CCDC73: variants seen among roughly 807,000 people sequenced by gnomAD.
The protein encoded by CCDC73 is coiled-coil domain containing 73.
Under a neutral mutation model 116.5 loss-of-function variants are expected in CCDC73, and 95 were observed. The ratio of observed to expected loss-of-function variants is 0.82; its 90% confidence interval spans 0.69 to 0.97. The LOEUF (loss-of-function observed/expected upper bound fraction) is 0.97. Ranked by LOEUF, CCDC73 falls within the 50% of genes least tolerant of loss-of-function variation. The probability of loss-of-function intolerance (pLI) is 0.00; values close to 1 mark genes in which losing one functional copy is unlikely to be tolerated. For synonymous variants in CCDC73, 398 were observed against 401.3 expected (o/e 0.99, Z 0.10); for missense variants, 1,066 against 1,206.8 (o/e 0.88, Z 1.73).
chr11:32,809,382 A>G, the CCDC73 span, among the ~76,000 whole-genome samples: 1 of 152,202 alleles, frequency 6.6e-6, no homozygotes. Flanking sequence ...AACCTAGACA[A>G]TAATAGAGGA....
At position 32,641,882 on chromosome 11, in the gene CCDC73, T is replaced by C. The variant is rs533780930; in HGVS notation, c.1050+90A>G. 2,800 of 1,017,960 alleles carry C rather than the reference T, an allele frequency of 2.8e-3. 7 individuals carry two copies. Among genetic ancestry groups the C allele is most frequent in the Admixed American group, 3.7e-3 (88 of 23,994 alleles). 63.1% of individuals were successfully genotyped at this position (1,017,960 alleles called of 1,614,324 possible). On this transcript the variant is annotated intron_variant, in intron 13 of 17. Transcript: ENST00000335185. ...TGTGTCTGATTTTAGTCCTCTAATA[T>C]TTTTGCAATATTTTCTTAGCATTTA... is the stretch of plus-strand genomic sequence containing the variant.
chr11:32,661,590 G>A (rs1855927420), intron 9 of CCDC73, among the ~76,000 whole-genome samples: 1 of 151,866 alleles, frequency 6.6e-6, no homozygotes, highest in Non-Finnish European at 1.5e-5. Context: ...GAGAACGATG[G>A]TTTCCAGCTT....
intron 2 of CCDC73, among the ~76,000 whole-genome samples, chr11:32,736,811 C>T (rs543773906): frequency 6.6e-6 from 1 of 151,914 alleles, no homozygotes; most frequent in Admixed American, 6.6e-5. Context: ...CACATATACA[C>T]CATGGAATAC....
At chr11:32,769,966 C>T (rs773486198) in intron 1 of CCDC73, among the ~76,000 whole-genome samples, 1 of 152,214 alleles carries the variant, frequency 6.6e-6, no homozygotes, top group Non-Finnish European at 1.5e-5. Flanking sequence ...GGTATCCTTT[C>T]ACTTCCAGCA....
chr11:32,619,800 A>C (rs1209919091), intron 14 of CCDC73, among the ~76,000 whole-genome samples: 3 of 148,772 alleles, frequency 2.0e-5, no homozygotes, highest in Non-Finnish European at 4.5e-5. Context: ...AGCAGGAGGA[A>C]AAGGAGGAGG....
intron 17 of CCDC73, chr11:32,605,071 C>G (rs1565053590): frequency 6.6e-6 from 1 of 151,252 alleles, no homozygotes; most frequent in Non-Finnish European, 1.5e-5. Flanking sequence ...CCAGGCTGGT[C>G]TCGAACGCCT....
At chr11:32,712,116 T>TC (rs1242363064) in intron 3 of CCDC73, among the ~76,000 whole-genome samples, 2 of 152,108 alleles carry the variant, frequency 1.3e-5, no homozygotes, top group African/African-American at 4.8e-5. Flanking sequence ...TATTACTTTC[T>TC]CCCCCACACA....
At chr11:32,626,071 C>T (rs1855570714) in intron 14 of CCDC73, among the ~76,000 whole-genome samples, 1 of 150,024 alleles carries the variant, frequency 6.7e-6, no homozygotes, top group Non-Finnish European at 1.5e-5. Flanking sequence ...GATTGTATGT[C>T]TAGAAAACCC....
intron 2 of CCDC73, among the ~76,000 whole-genome samples, chr11:32,725,948 G>A (rs1344650985): frequency 6.6e-6 from 1 of 152,044 alleles, no homozygotes; most frequent in Non-Finnish European, 1.5e-5. Flanking sequence ...AATTTTAGTT[G>A]GAACCCCAAA....
At chr11:32,822,380 A>G in the CCDC73 span, among the ~76,000 whole-genome samples, 1 of 152,230 alleles carries the variant, frequency 6.6e-6, no homozygotes. Context: ...TAACAGAATC[A>G]GCACATTTGG....
intron 1 of CCDC73, among the ~76,000 whole-genome samples, chr11:32,791,790 A>C (rs1348780172): frequency 6.6e-6 from 1 of 152,154 alleles, no homozygotes; most frequent in African/African-American, 2.4e-5. Context: ...GTGAAACCCC[A>C]TCTCTACCAA....
Position 32,759,327 on chromosome 11 carries a change from C to CTTT in CCDC73, c.135+779_135+781dup, listed in dbSNP as rs1208029392. On this transcript the variant is annotated intron_variant, in intron 2 of 17. Coordinates refer to ENST00000335185, the MANE Select transcript of CCDC73 (RefSeq NM_001008391.4). ...AGCCTGCTGAAACCAACATTTTTTC[C>CTTT]TTTTTTTTTTTTTTTTTTCTTGAGA... Among the ~76,000 whole-genome samples, 1,230 of 129,934 alleles carry CTTT rather than the reference C, an allele frequency of 9.5e-3. 26 individuals are homozygous for CTTT. The highest frequency in any genetic ancestry group is 0.033 in the African/African-American group (1,129 of 34,314). 85.2% of individuals were successfully genotyped at this position (129,934 alleles called of 152,430 possible). A position where few individuals can be genotyped will look rare whatever the true frequency, so the allele number is the denominator to read the frequency against.
intron 14 of CCDC73, among the ~76,000 whole-genome samples, chr11:32,625,313 C>T (rs1323568479): frequency 1.3e-5 from 2 of 152,148 alleles, no homozygotes; most frequent in East Asian, 3.8e-4. Context: ...TGAAGTTGAT[C>T]CTGTCATTAT....
intron 3 of CCDC73, among the ~76,000 whole-genome samples, chr11:32,708,400 TC>T (rs1849872975): frequency 6.6e-6 from 1 of 152,208 alleles, no homozygotes; most frequent in South Asian, 2.1e-4. Flanking sequence ...CTTTTTTGGT[TC>T]CATATGAGTT....
At chr11:32,815,345 T>C in the CCDC73 span, among the ~76,000 whole-genome samples, 1 of 151,926 alleles carries the variant, frequency 6.6e-6, no homozygotes, top group Admixed American at 6.6e-5. Context: ...TTGCTTTTTT[T>C]TTTTTTTGAG....
intron 12 of CCDC73, 50 bp from the exon 13 acceptor site, chr11:32,642,132 T>A (rs746672871): frequency 6.9e-7 from 1 of 1,450,678 alleles, no homozygotes; most frequent in Non-Finnish European, 9.1e-7. Flanking sequence ...CATTAATGAA[T>A]TCTGATGTGT....
Position 32,614,430 on chromosome 11 carries a change from C to A in CCDC73, c.1888G>T (p.Asp630Tyr). The stretch of plus-strand genomic sequence containing the variant: ...TTTTTTTTTATATCTAGAGACGAGT[C>A]CAAATCTGCTTTGGTTTGGTCACTA... ...TNSDQTKADL[D>Y]SSLDIKKNPV... The change falls in exon 16 of 18, where the codon GAC (aspartate) becomes TAC (tyrosine). Residue 630 changes from aspartate (D) to tyrosine (Y), a missense_variant. Coordinates refer to ENST00000335185, the MANE Select transcript of CCDC73 (RefSeq NM_001008391.4). 6.2e-7 allele frequency: 1 copy of A among 1,613,426 alleles called. No individual in the cohort carries two copies. Among genetic ancestry groups the A allele is most frequent in the South Asian group, 1.1e-5 (1 of 91,054 alleles).
chr11:32,739,435 G>A (rs867656811), intron 2 of CCDC73, among the ~76,000 whole-genome samples: 23 of 151,986 alleles, frequency 1.5e-4, no homozygotes, highest in Non-Finnish European at 2.8e-4. Context: ...TTATTCCTTA[G>A]ATATTTAATT....
intron 1 of CCDC73, among the ~76,000 whole-genome samples, chr11:32,784,082 C>A (rs1850605688): frequency 6.6e-6 from 1 of 152,164 alleles, no homozygotes; most frequent in African/African-American, 2.4e-5. Flanking sequence ...ATAATCTCAG[C>A]ACTTTGGGAG....
Sources: gnomAD v4.1 joint callset for allele counts (sites outside exome capture counted in the v4.1 genomes callset) on GRCh38, gnomAD v4.1.1 for gene constraint, MANE v1.5 for transcripts, NCBI Gene and HGNC (gene_info 2026-07-23, HGNC 2026-07-21) for gene names.